The following IL1RAPL2 variants were observed in gnomAD, a reference collection of about 807,000 sequenced individuals.
IL1RAPL2 encodes the protein X-linked interleukin-1 receptor accessory protein-like 2.
In IL1RAPL2, 3 loss-of-function variants were observed where a neutral mutation model predicts 44.1. The observed-to-expected ratio is 0.07, with a 90% CI of 0.03 to 0.18. IL1RAPL2 has a LOEUF of 0.18. Among genes scored for constraint, IL1RAPL2 ranks in the 10% least tolerant of loss-of-function variants. IL1RAPL2 has a pLI of 1.00. For synonymous variants in IL1RAPL2, 181 were observed against 178.8 expected (o/e 1.01, Z -0.10); for missense variants, 391 against 496.4 (o/e 0.79, Z 2.02).
intron 2 of IL1RAPL2, among the ~76,000 whole-genome samples, chrX:104,911,389 CAAG>C (rs1301714333): frequency 8.9e-6 from 1 of 111,769 alleles, no homozygotes; most frequent in Non-Finnish European, 1.9e-5. Context: ...ATGTCTGAAA[CAAG>C]AACCATTAGA....
intron 2 of IL1RAPL2, among the ~76,000 whole-genome samples, chrX:104,706,679 A>G (rs1274913088): frequency 8.9e-6 from 1 of 112,310 alleles, no homozygotes; most frequent in East Asian, 2.8e-4. Flanking sequence ...TCTCTAGGTC[A>G]TAATTAACAA....
At chrX:105,032,030 T>C (rs1175344655) in intron 2 of IL1RAPL2, among the ~76,000 whole-genome samples, 11 of 111,714 alleles carry the variant, frequency 9.8e-5, no homozygotes, top group African/African-American at 3.6e-4. Flanking sequence ...GTTTGTAGTA[T>C]TCTCTGATGG....
At chrX:104,691,008 A>T (rs1330088581) in intron 2 of IL1RAPL2, among the ~76,000 whole-genome samples, 1 of 111,671 alleles carries the variant, frequency 9.0e-6, no homozygotes, top group Non-Finnish European at 1.9e-5. Flanking sequence ...CCAGGGGTAG[A>T]GCAATTTAAA....
At chrX:105,147,371 G>A (rs1416307719) in intron 2 of IL1RAPL2, among the ~76,000 whole-genome samples, 3 of 110,937 alleles carry the variant, frequency 2.7e-5, no homozygotes, top group Non-Finnish European at 5.7e-5. Context: ...ATGAGGGGAG[G>A]ACAAGAAGAA....
At chrX:105,561,154 G>T (rs971342872) in intron 6 of IL1RAPL2, among the ~76,000 whole-genome samples, 4 of 111,044 alleles carry the variant, frequency 3.6e-5, no homozygotes, top group Non-Finnish European at 7.5e-5. Context: ...CCACAACCTG[G>T]ACTCCTAGAA....
intron 9 of IL1RAPL2, among the ~76,000 whole-genome samples, chrX:105,754,292 C>T (rs1315422751): frequency 9.0e-6 from 1 of 111,579 alleles, no homozygotes; most frequent in Admixed American, 9.5e-5. Context: ...GGATGTGGCC[C>T]ATCTAAAACC....
intron 7 of IL1RAPL2, among the ~76,000 whole-genome samples, chrX:105,738,317 A>C (rs1432861706): frequency 8.9e-6 from 1 of 111,736 alleles, no homozygotes; most frequent in Non-Finnish European, 1.9e-5. Flanking sequence ...GTTATTTTAC[A>C]GTTTCAGGAT....
At chrX:105,674,581 T>A (rs902076919) in intron 6 of IL1RAPL2, among the ~76,000 whole-genome samples, 1 of 112,151 alleles carries the variant, frequency 8.9e-6, no homozygotes, top group African/African-American at 3.2e-5. Flanking sequence ...TATGGTATAG[T>A]TTAAAGTCTG....
At chrX:105,582,796 T>C (rs1044669967) in intron 6 of IL1RAPL2, among the ~76,000 whole-genome samples, 3 of 110,979 alleles carry the variant, frequency 2.7e-5, no homozygotes, top group Non-Finnish European at 3.8e-5. Flanking sequence ...AATTTCTTAT[T>C]GATTTTCACA....
At chrX:105,643,300 A>G (rs2037581937) in intron 6 of IL1RAPL2, among the ~76,000 whole-genome samples, 1 of 111,816 alleles carries the variant, frequency 8.9e-6, no homozygotes, top group South Asian at 3.7e-4. Flanking sequence ...TTGTTGAATA[A>G]AAAAGTGCCT....
At chrX:105,593,699 A>C (rs747086148) in intron 6 of IL1RAPL2, among the ~76,000 whole-genome samples, 16 of 110,743 alleles carry the variant, frequency 1.4e-4, no homozygotes, top group Non-Finnish European at 2.6e-4. Flanking sequence ...GGCTCAACTC[A>C]TCACTCCTGG....
At chrX:105,758,473 A>T (rs1373805751) in intron 10 of IL1RAPL2, among the ~76,000 whole-genome samples, 2 of 110,652 alleles carry the variant, frequency 1.8e-5, no homozygotes, top group Non-Finnish European at 3.8e-5. Context: ...GGTTACAAAG[A>T]TGTCACTTTC....
At chrX:104,763,835 G>A (rs1932507187) in intron 2 of IL1RAPL2, among the ~76,000 whole-genome samples, 1 of 111,296 alleles carries the variant, frequency 9.0e-6, no homozygotes, top group Admixed American at 9.5e-5. Context: ...TGGGGATTAT[G>A]AGAACTACAA....
chrX:105,079,817 A>G (rs2032376293), intron 2 of IL1RAPL2, among the ~76,000 whole-genome samples: 1 of 111,205 alleles, frequency 9.0e-6, no homozygotes, highest in Non-Finnish European at 1.9e-5. Context: ...ACTCCCACCA[A>G]CAGTATAAAA....
intron 2 of IL1RAPL2, among the ~76,000 whole-genome samples, chrX:105,028,463 C>CTA (rs2031416030): frequency 1.8e-5 from 2 of 111,466 alleles, no homozygotes; most frequent in African/African-American, 6.5e-5. Context: ...TATACACCTA[C>CTA]TATGTACCCA....
At chrX:104,858,469 AAAAC>A (rs1297358297) in intron 2 of IL1RAPL2, among the ~76,000 whole-genome samples, 23 of 112,064 alleles carry the variant, frequency 2.1e-4, no homozygotes, top group African/African-American at 5.5e-4. Context: ...ACCAAAGTTA[AAAAC>A]AAACAAACTT....
intron 7 of IL1RAPL2, among the ~76,000 whole-genome samples, chrX:105,738,184 C>T (rs1336945168): frequency 8.9e-6 from 1 of 111,991 alleles, no homozygotes; most frequent in Non-Finnish European, 1.9e-5. Context: ...AAAATACAAT[C>T]TACCTTCAGA....
At chrX:105,683,412 G>A (rs1018751777) in intron 6 of IL1RAPL2, among the ~76,000 whole-genome samples, 2 of 111,403 alleles carry the variant, frequency 1.8e-5, no homozygotes, top group Non-Finnish European at 3.8e-5. Flanking sequence ...ATGTCCACAA[G>A]GTCAGAATTA....
chrX:105,219,733 T>A, intron 3 of IL1RAPL2: 1 of 1,205,520 alleles, frequency 8.3e-7, no homozygotes, highest in East Asian at 3.0e-5. Flanking sequence ...TGCCCCCTGC[T>A]CCCACTCATG....
Sources: allele counts gnomAD v4.1 joint callset (sites outside exome capture counted in the v4.1 genomes callset), GRCh38; gene constraint gnomAD v4.1.1; transcripts MANE v1.5; gene names NCBI Gene and HGNC (gene_info 2026-07-23, HGNC 2026-07-21).